USP7: variants seen among roughly 807,000 people sequenced by gnomAD.
USP7 encodes ubiquitin specific peptidase 7, also known as ubiquitin C-terminal hydrolase 7.
In USP7, 9 loss-of-function variants were observed where a neutral mutation model predicts 162.9. The ratio of observed to expected loss-of-function variants is 0.06; its 90% CI spans 0.03 to 0.10. USP7 has a LOEUF of 0.10. Among genes scored for constraint, USP7 ranks in the 10% least tolerant of loss-of-function variants. USP7 has a pLI of 1.00. For missense variants in USP7, 715 were observed against 1,373.7 expected, an observed-to-expected ratio of 0.52 and a Z score of 7.58; for synonymous variants, 562 against 475.9, an observed-to-expected ratio of 1.18 and a Z score of -2.35.
intron 6 of USP7, among the ~76,000 whole-genome samples, chr16:8,917,560 G>A (rs890707789): frequency 6.6e-6 from 1 of 151,858 alleles, no homozygotes; most frequent in Admixed American, 6.6e-5. Context: ...TGAATTTTCA[G>A]GAGAGACAGG....
intron 7 of USP7, 44 bp downstream of exon 7, chr16:8,916,982 A>AAAAC: frequency 6.6e-7 from 1 of 1,510,914 alleles, no homozygotes; most frequent in South Asian, 1.4e-5. Flanking sequence ...AAAAAAAAAA[A>AAAAC]AAAAGAGGAA....
chr16:8,939,268 C>G (rs757320256), intron 1 of USP7, among the ~76,000 whole-genome samples: 1 of 152,182 alleles, frequency 6.6e-6, no homozygotes, highest in Admixed American at 6.5e-5. Context: ...CCCCGGCGTG[C>G]GTGCTCCCCC....
chr16:8,911,042 T>C (rs533113298), intron 10 of USP7, among the ~76,000 whole-genome samples: 1 of 152,344 alleles, frequency 6.6e-6, no homozygotes, highest in South Asian at 2.1e-4. Flanking sequence ...CTTAAGGACA[T>C]TAAAATGACA....
intron 1 of USP7, among the ~76,000 whole-genome samples, chr16:8,933,508 G>A (rs1446871962): frequency 6.6e-6 from 1 of 152,156 alleles, no homozygotes; most frequent in Non-Finnish European, 1.5e-5. Flanking sequence ...TTCAAAAGAT[G>A]TCTACAGAAA....
intron 4 of USP7, among the ~76,000 whole-genome samples, chr16:8,920,715 C>A (rs564236337): frequency 6.6e-6 from 1 of 152,278 alleles, no homozygotes; most frequent in East Asian, 1.9e-4. Flanking sequence ...ATCTGTGCCC[C>A]TCTAAGCAGG....
Position 8,963,376 on chromosome 16 carries a change from CGGCGGCGGCGGG to C in USP7, c.-103_-92del. On this transcript the variant is annotated 5_prime_UTR_variant, in exon 1 of 31. Transcript: ENST00000344836. ...CGGCGAGCCGGGGCGGCGGCGGCGG[CGGCGGCGGCGGG>C]GCGGCCTCCTCCTCCTCCTCCCGCG... The C allele has an allele frequency of 3.4e-6, 1 of 294,920 alleles. No individual in the cohort carries two copies. Among genetic ancestry groups the C allele is most frequent in the Non-Finnish European group, 4.9e-6 (1 of 203,506 alleles). The allele number at this position is 294,920 out of a possible 1,614,324, so 18.3% of individuals were successfully genotyped here. A position where few individuals can be genotyped will look rare whatever the true frequency, so the allele number is the denominator to read the frequency against.
chr16:8,895,171 C>T lies in USP7; in HGVS notation c.2920-21G>A, dbSNP rs377691070. 2.5e-6 allele frequency: 4 copies of T among 1,614,040 alleles called. No individual in the cohort carries two copies. The African/African-American group carries it at 4.0e-5, about 16-fold the overall frequency. On this transcript the variant is annotated intron_variant, in intron 27 of 30. Transcript: ENST00000344836. ...ATTTCCTGGGGACACGGACAACAGA[C>T]ACAGTTCTGTAAGTGCAAGTGATGT...
At chr16:8,917,278 T>C (rs1046909146) in intron 6 of USP7, 122 bp from the exon 7 acceptor site, 21 of 1,202,832 alleles carry the variant, frequency 1.7e-5, no homozygotes, top group Non-Finnish European at 2.2e-5. Context: ...GCTAAGGTTG[T>C]TGTTAGGGCT....
intron 1 of USP7, among the ~76,000 whole-genome samples, chr16:8,948,073 C>G (rs193212545): frequency 1.6e-3 from 241 of 152,366 alleles, no homozygotes; most frequent in Non-Finnish European, 2.8e-3. Context: ...CTGCAGACGT[C>G]AGTCAGCTCC....
chr16:8,906,346 T>G (rs866647382), intron 13 of USP7, 80 bp downstream of exon 13: 2 of 1,508,616 alleles, frequency 1.3e-6, no homozygotes, highest in Non-Finnish European at 1.8e-6. Flanking sequence ...AGGTTCCGAG[T>G]AGGAACCAGA....
intron 10 of USP7, 128 bp downstream of exon 10, chr16:8,915,126 G>A (rs2062008803): frequency 4.5e-6 from 4 of 895,442 alleles, no homozygotes; most frequent in South Asian, 1.8e-5. Flanking sequence ...CCAGTGAGCT[G>A]TTTGCTTAAG....
chr16:8,898,771 C>G (rs1371715839), intron 23 of USP7, 132 bp from the exon 24 acceptor site: 1 of 694,612 alleles, frequency 1.4e-6, no homozygotes. Flanking sequence ...TGGGGTTTAA[C>G]TTAATACTCC....
chr16:8,946,735 C>A (rs1025190999), intron 1 of USP7, among the ~76,000 whole-genome samples: 3 of 152,250 alleles, frequency 2.0e-5, no homozygotes, highest in Non-Finnish European at 4.4e-5. Context: ...GGCCTCCACA[C>A]AGCCACTCAC....
intron 22 of USP7, 63 bp from the exon 23 acceptor site, chr16:8,899,251 T>C (rs2141168271): frequency 2.6e-6 from 4 of 1,533,372 alleles, no homozygotes; most frequent in Non-Finnish European, 2.7e-6. Flanking sequence ...ATAAACTTCA[T>C]GCTTAATTAC....
intron 2 of USP7, among the ~76,000 whole-genome samples, chr16:8,924,451 C>G (rs1328706543): frequency 6.6e-6 from 1 of 152,254 alleles, no homozygotes; most frequent in East Asian, 1.9e-4. Flanking sequence ...ACACCAAGGG[C>G]CAAGCTCTAC....
At chr16:8,897,452 G>C (rs1264539203) in intron 25 of USP7, among the ~76,000 whole-genome samples, 1 of 152,048 alleles carries the variant, frequency 6.6e-6, no homozygotes, top group Non-Finnish European at 1.5e-5. Context: ...TACAAGACCA[G>C]AGGCAGACTG....
At chr16:8,917,000 G>A (rs768196031) in intron 7 of USP7, 26 bp downstream of exon 7, 1 of 1,520,710 alleles carries the variant, frequency 6.6e-7, no homozygotes, top group East Asian at 2.4e-5. Flanking sequence ...GAAGCAGAAT[G>A]GCAAAGGCAG....
intron 10 of USP7, among the ~76,000 whole-genome samples, chr16:8,914,877 C>A (rs1026161766): frequency 2.1e-4 from 32 of 152,192 alleles, no homozygotes; most frequent in Non-Finnish European, 3.4e-4. Context: ...TATGGTTGCA[C>A]CCCAGCCTGT....
At position 8,930,301 on chromosome 16, in the gene USP7, A is replaced by G. The variant is rs1223925831; in HGVS notation, c.176T>C (p.Met59Thr). The G allele has an allele frequency of 2.5e-6, 4 of 1,612,068 alleles. No individual in the cohort carries two copies. The highest frequency in any genetic ancestry group is 1.3e-5 in the African/African-American group (1 of 74,840). The change falls in exon 2 of 31, where the codon ATG (methionine) becomes ACG (threonine). Residue 59 changes from methionine (M) to threonine (T), a missense_variant. Physicochemically the swap from Met to Thr is moderately conservative, Grantham distance 81. Coordinates refer to ENST00000344836, the MANE Select transcript of USP7 (RefSeq NM_003470.3). ...SDGHNTAEEDMEDDTSWRSEA... is the reference protein window; with the variant it reads ...SDGHNTAEEDTEDDTSWRSEA... The stretch of plus-strand genomic sequence containing the variant: ...GAACCACAGGCACTTACCATCCTCC[A>G]TGTCCTCCTCCGCGGTGTTGTGTCC...
Sources: allele counts gnomAD v4.1 joint callset (sites outside exome capture counted in the v4.1 genomes callset), GRCh38; gene constraint gnomAD v4.1.1; transcripts MANE v1.5; gene names NCBI Gene and HGNC (gene_info 2026-07-23, HGNC 2026-07-21).